The following TCHHL1 variants were observed in gnomAD, a reference collection of about 807,000 sequenced individuals.
TCHHL1 encodes the protein trichohyalin-like protein 1.
TCHHL1 carries 1 observed loss-of-function variant against 3.5 expected under a neutral mutation model. The observed-to-expected ratio is 0.29, with a 90% CI of 0.10 to 1.36. TCHHL1 has a LOEUF of 1.36. Ranked by LOEUF, TCHHL1 falls within the 40% of genes most tolerant of loss-of-function variation. The pLI, the probability that TCHHL1 is intolerant of heterozygous loss-of-function variation, is 0.43. For missense variants in TCHHL1, 1,027 were observed against 1,032.8 expected, an observed-to-expected ratio of 0.99 and a Z score of 0.08; for synonymous variants, 405 against 375.3, an observed-to-expected ratio of 1.08 and a Z score of -0.92.
At chr1:152,088,188 C>T (rs201135305) in intron 1 of TCHHL1, 25 bp from the exon 2 acceptor site, 44 of 1,508,980 alleles carry the variant, frequency 2.9e-5, no homozygotes, top group Non-Finnish European at 3.2e-5. Context: ...AAACAAAGCT[C>T]ATTTTCCAGG....
At chr1:152,087,573 T>C (rs1401420343) in intron 2 of TCHHL1, 30 bp from the exon 3 acceptor site, 4 of 1,557,774 alleles carry the variant, frequency 2.6e-6, no homozygotes, top group Admixed American at 3.6e-5. Context: ...GAAATCAGCT[T>C]ATTTATATGT....
chr1:152,086,407 C>T lies in TCHHL1; in HGVS notation c.1275G>A (p.Lys425=). 6.2e-7 allele frequency: 1 copy of T among 1,614,180 alleles called. No individual in the cohort carries two copies. Among genetic ancestry groups the T allele is most frequent in the East Asian group, 2.2e-5 (1 of 44,886 alleles). Residue 425 remains lysine (K), a synonymous_variant, in exon 3 of 3, where the codon AAG becomes AAA. Transcript: ENST00000368806. ...LVLETQTQDG[K]YQELQGLSKS... is the part of the protein sequence containing the mutation. ...TTGATAATCCTTGGAGTTCCTGATA[C>T]TTCCCATCCTGTGTTTGGGTTTCCA... is the stretch of plus-strand genomic sequence containing the variant.
intron 1 of TCHHL1, among the ~76,000 whole-genome samples, chr1:152,088,742 T>G (rs1203545682): frequency 6.6e-6 from 1 of 152,200 alleles, no homozygotes; most frequent in East Asian, 1.9e-4. Context: ...CTTTAAATGC[T>G]TCTACATTTT....
In TCHHL1 at chr1:152,086,270, T is replaced by C. The variant is rs753142158; in HGVS notation, c.1412A>G (p.His471Arg). 6.2e-7 allele frequency: 1 copy of C among 1,614,264 alleles called. No individual in the cohort carries two copies. The highest frequency in any genetic ancestry group is 8.5e-7 in the Non-Finnish European group (1 of 1,180,046). ...GTAVSGEEAEHTKEGTAEAFV... is the reference protein window; with the variant it reads ...GTAVSGEEAERTKEGTAEAFV... ...TGCTTCTGCTGTGCCTTCTTTGGTG[T>C]GTTCTGCCTCTTCTCCTGAGACTGC... is the stretch of plus-strand genomic sequence containing the variant. Residue 471 changes from histidine (H) to arginine (R), a missense_variant, in exon 3 of 3, where the codon CAC becomes CGC. By Grantham distance (29) the His-to-Arg change is conservative. Around this residue, in one of 3 missense-constraint regions of TCHHL1, gnomAD observed 673 missense variants for 658.6 expected, o/e 1.02. Coordinates refer to ENST00000368806, the MANE Select transcript of TCHHL1 (RefSeq NM_001008536.2).
rs746340062 is a variant in TCHHL1, at chr1:152,086,904, T to G, written c.778A>C (p.Thr260Pro). 1 of 1,614,176 alleles carries G rather than the reference T, an allele frequency of 6.2e-7. No individual in the cohort carries two copies. The highest frequency in any genetic ancestry group is 8.5e-7 in the Non-Finnish European group (1 of 1,180,020). ...QFGEQEGNLA[T>P]QSSPPKEATQ... is the part of the protein sequence containing the mutation. Reference sequence around the variant, plus strand: ...GCTTCTTTTGGTGGTGAACTTTGGGTTGCCAAGTTTCCTTCCTGTTCTCCA... The same window carrying G: ...GCTTCTTTTGGTGGTGAACTTTGGGGTGCCAAGTTTCCTTCCTGTTCTCCA... Residue 260 changes from threonine to proline, a missense_variant, in exon 3 of 3, where the codon ACC becomes CCC. Around this residue, in one of 3 missense-constraint regions of TCHHL1, gnomAD observed 338 missense variants for 335.9 expected, o/e 1.01. Transcript: ENST00000368806.
chr1:152,086,080 G>T lies in TCHHL1; in HGVS notation c.1602C>A (p.Asp534Glu). The T allele has an allele frequency of 1.9e-6, 3 of 1,614,124 alleles. No individual in the cohort carries two copies. The highest frequency in any genetic ancestry group is 2.5e-6 in the Non-Finnish European group (3 of 1,180,020). ...CACTCTGTGTGAATGGTGACTCAGG[G>T]TCCTCCCCCTGGTAACCATCCTCCT... ...VEEEDGYQGE[D>E]PESPFTQSDE... Residue 534 changes from aspartate to glutamate, a missense_variant, in exon 3 of 3, where the codon GAC (aspartate) becomes GAA (glutamate). Coordinates refer to ENST00000368806, the MANE Select transcript of TCHHL1 (RefSeq NM_001008536.2).
chr1:152,087,687 G>A (rs1657760509), intron 2 of TCHHL1, 144 bp from the exon 3 acceptor site: 1 of 920,312 alleles, frequency 1.1e-6, no homozygotes, highest in Non-Finnish European at 1.6e-6. Context: ...GGTTCTGCAA[G>A]CCATTTTTCA....
chr1:152,086,881 TTC>T lies in TCHHL1; in HGVS notation c.799_800del (p.Glu267SerfsTer7), dbSNP rs779286392. On this transcript the variant is annotated frameshift_variant, in exon 3 of 3. Transcript: ENST00000368806. LOFTEE classifies it low-confidence loss of function (END_TRUNC). ...GATCTTCACATGGTCTTTGTGTTGC[TTC>T]TTTTGGTGGTGAACTTTGGGTTGCC... is the stretch of plus-strand genomic sequence containing the variant. Reference protein sequence around the residue: ...NLATQSSPPKEATQRPCEDQE... With the variant: ...NLATQSSPPKXATQRPCEDQE... The T allele has an allele frequency of 6.2e-7, 1 of 1,614,202 alleles. No individual in the cohort carries two copies. The highest frequency in any genetic ancestry group is 8.5e-7 in the Non-Finnish European group (1 of 1,180,042).
intron 2 of TCHHL1, 112 bp downstream of exon 2, chr1:152,087,894 G>A: frequency 7.6e-7 from 1 of 1,317,798 alleles, no homozygotes; most frequent in Non-Finnish European, 1.0e-6. Context: ...AGTGAGTGCT[G>A]AGAACTGTTA....
chr1:152,084,905 G>A lies in TCHHL1; in HGVS notation c.*62C>T. ...AGATTGTTAATCTGCATCTGAATGT[G>A]TACACGTGAGTATTGAGGGTGATTG... On this transcript the variant is annotated 3_prime_UTR_variant, in exon 3 of 3. Coordinates refer to ENST00000368806, the MANE Select transcript of TCHHL1 (RefSeq NM_001008536.2). The A allele has an allele frequency of 1.3e-6, 2 of 1,482,042 alleles. No homozygotes were observed. The highest frequency in any genetic ancestry group is 2.5e-5 in the South Asian group (2 of 78,434). The allele number at this position is 1,482,042 out of a possible 1,614,324, so 91.8% of individuals were successfully genotyped here.
Position 152,086,612 on chromosome 1 carries a change from C to T in TCHHL1, c.1070G>A (p.Gly357Asp). The stretch of plus-strand genomic sequence containing the variant: ...TTTTTCTTGGGTCTCAGATGTTCTG[C>T]CATAATCCTCAGGTTCACCCAAATT... ...TKNLGEPEDY[G>D]RTSETQEKEC... The change falls in exon 3 of 3, where the codon GGC (glycine) becomes GAC (aspartate). Residue 357 changes from glycine (G) to aspartate (D), a missense_variant. This residue lies in a region of TCHHL1 where 673 missense variants were observed against 658.6 expected (regional missense o/e 1.02). Coordinates refer to ENST00000368806, the MANE Select transcript of TCHHL1 (RefSeq NM_001008536.2). 6.2e-7 allele frequency: 1 copy of T among 1,614,090 alleles called. No homozygotes were observed.
In TCHHL1 at chr1:152,087,024, T is replaced by G; in HGVS notation, c.658A>C (p.Ser220Arg). 6.2e-7 allele frequency: 1 copy of G among 1,614,190 alleles called. No individual in the cohort carries two copies. Among genetic ancestry groups the G allele is most frequent in the Non-Finnish European group, 8.5e-7 (1 of 1,180,028 alleles). The change falls in exon 3 of 3, where the codon AGT (serine) becomes CGT (arginine). Residue 220 changes from serine (S) to arginine (R), a missense_variant. This residue lies in a region of TCHHL1 where 338 missense variants were observed against 335.9 expected (regional missense o/e 1.01). Transcript: ENST00000368806. ...TCTTGTCCCTTCCTCTCTGTGGGAC[T>G]GCTGGTCTTTTTTGATCCTGCCATT... Reference protein sequence around the residue: ...KPMAGSKKTSSPTERKGQDKE... With the variant: ...KPMAGSKKTSRPTERKGQDKE...
In TCHHL1 at chr1:152,087,436, G is replaced by T. The variant is rs761146376; in HGVS notation, c.246C>A (p.Asn82Lys). The change falls in exon 3 of 3, where the codon AAC becomes AAA. Residue 82 changes from asparagine (N) to lysine (K), a missense_variant. Coordinates refer to ENST00000368806, the MANE Select transcript of TCHHL1 (RefSeq NM_001008536.2). ...ATGATTTTATGTCAAGATAACAGAGGTTCAACAAGTTGAAGATTGCAAGAA... is the reference window on the plus strand; with the variant it reads ...ATGATTTTATGTCAAGATAACAGAGTTTCAACAAGTTGAAGATTGCAAGAA... ...EFVLAIFNLLNLCYLDIKSLL... is the reference protein window; with the variant it reads ...EFVLAIFNLLKLCYLDIKSLL... The T allele has an allele frequency of 4.3e-6, 7 of 1,609,582 alleles. No individual in the cohort carries two copies. Among genetic ancestry groups the T allele is most frequent in the East Asian group, 2.2e-5 (1 of 44,894 alleles).
intron 1 of TCHHL1, among the ~76,000 whole-genome samples, chr1:152,088,646 C>T (rs369496551): frequency 6.6e-6 from 1 of 152,094 alleles, no homozygotes; most frequent in South Asian, 2.1e-4. Context: ...AGAAAATTAA[C>T]CCCTATGTTT....
In TCHHL1 at chr1:152,085,909, G is replaced by C. The variant is rs143095130; in HGVS notation, c.1773C>G (p.Asn591Lys). The C allele has an allele frequency of 1.7e-5, 27 of 1,614,184 alleles. No homozygotes were observed. The African/African-American group carries it at 3.5e-4, about 21-fold the overall frequency. The change falls in exon 3 of 3, where the codon AAC becomes AAG. Residue 591 changes from asparagine to lysine, a missense_variant. Physicochemically the swap from Asn to Lys is moderately conservative, Grantham distance 94 (BLOSUM62 0). This residue lies in a region of TCHHL1 where 673 missense variants were observed against 658.6 expected (regional missense o/e 1.02). Transcript: ENST00000368806. ...GESVQGGHNN[N>K]PDTQRQGTPG... Reference sequence around the variant, plus strand: ...GTGTTCCCTGCCTCTGGGTATCTGGGTTATTATTGTGACCTCCTTGCACAG... The same window carrying C: ...GTGTTCCCTGCCTCTGGGTATCTGGCTTATTATTGTGACCTCCTTGCACAG...
At chr1:152,087,587 C>T in intron 2 of TCHHL1, 44 bp from the exon 3 acceptor site, 1 of 1,536,950 alleles carries the variant, frequency 6.5e-7, no homozygotes, top group Non-Finnish European at 8.7e-7. Context: ...TATATGTGGT[C>T]CAGTGTCCTA....
chr1:152,086,539 AC>A lies in TCHHL1; in HGVS notation c.1142del (p.Gly381ValfsTer7). 1 of 1,614,068 alleles carries A rather than the reference AC, an allele frequency of 6.2e-7. No homozygotes were observed. The highest frequency in any genetic ancestry group is 8.5e-7 in the Non-Finnish European group (1 of 1,180,024). ...CATCTCTCATGTCAGATGTTTCTGA[AC>A]CATTTCTGCTACCATATTGGACTGG... ...DLPVQYGSRN[G>X]SETSDMRDER... On this transcript the variant is annotated frameshift_variant, in exon 3 of 3. Coordinates refer to ENST00000368806, the MANE Select transcript of TCHHL1 (RefSeq NM_001008536.2). LOFTEE classifies it low-confidence loss of function (END_TRUNC).
Position 152,084,784 on chromosome 1 carries a change from A to C in TCHHL1, c.*183T>G. On this transcript the variant is annotated 3_prime_UTR_variant, in exon 3 of 3. Coordinates refer to ENST00000368806, the MANE Select transcript of TCHHL1 (RefSeq NM_001008536.2). The stretch of plus-strand genomic sequence containing the variant: ...GCATTGTTTGGTAGGAGTTTTACTG[A>C]CTGTATTTGTTTGCTCAGATGTTTC... 1 of 638,380 alleles carries C rather than the reference A, an allele frequency of 1.6e-6. No homozygotes were observed. 39.5% of individuals were successfully genotyped at this position (638,380 alleles called of 1,614,324 possible).
rs749925689 is a variant in TCHHL1 at position 152,084,972 on chromosome 1, G to A, written c.2710C>T (p.Gln904Ter). 6.2e-7 allele frequency: 1 copy of A among 1,612,422 alleles called. No homozygotes were observed. Among genetic ancestry groups the A allele is most frequent in the Non-Finnish European group, 8.5e-7 (1 of 1,179,114 alleles). Residue 904 changes from glutamine to a stop codon, truncating the protein, a stop_gained, in exon 3 of 3, where the codon CAA (glutamine) becomes TAA (stop). Transcript: ENST00000368806. LOFTEE classifies it high-confidence loss of function. The stretch of plus-strand genomic sequence containing the variant: ...CATGTTGAGATGATAATGATTCATT[G>A]CTTTGTGGTGCTTGCCTCCCTTTGT... ...VLQREASTTK[Q>*] is the part of the protein sequence containing the mutation.
Sources: gnomAD v4.1 joint callset for allele counts (sites outside exome capture counted in the v4.1 genomes callset) on GRCh38, gnomAD v4.1.1 for gene constraint, gnomAD v4.1.1 regional missense constraint, MANE v1.5 for transcripts, NCBI Gene and HGNC (gene_info 2026-07-23, HGNC 2026-07-21) for gene names.